DLGAP1: variants seen among roughly 807,000 people sequenced by gnomAD.
DLGAP1 encodes disks large-associated protein 1.
In DLGAP1, 11 loss-of-function variants were observed where a neutral mutation model predicts 90.8. That is an observed-to-expected ratio of 0.12 (90% CI 0.08 to 0.20). The LOEUF is 0.20. DLGAP1 is among the 10% of genes least tolerant of loss of function. DLGAP1 has a pLI of 1.00. For synonymous variants in DLGAP1, 558 were observed against 540.7 expected (o/e 1.03, Z -0.44); for missense variants, 1,050 against 1,333.8 (o/e 0.79, Z 3.31).
In DLGAP1 at chr18:4,365,604, G is replaced by A. The variant is rs144606405; in HGVS notation, c.-267+89402C>T. Among the ~76,000 whole-genome samples, 327 of 152,144 alleles carry A rather than the reference G, an allele frequency of 2.1e-3. 7 individuals are homozygous for A. Among genetic ancestry groups the A allele is most frequent in the Admixed American group, 0.019 (293 of 15,284 alleles). ...CTATTAAAATATAATGACCCAATTG[G>A]CAGTGGAAAATATGCATATGGATAT... On this transcript the variant is annotated intron_variant, in intron 1 of 12. Transcript: ENST00000315677.
At chr18:4,241,997 T>A (rs2078544768) in intron 1 of DLGAP1, among the ~76,000 whole-genome samples, 1 of 152,246 alleles carries the variant, frequency 6.6e-6, no homozygotes, top group Non-Finnish European at 1.5e-5. Flanking sequence ...TAGTCATTTA[T>A]CTGGGATGGT....
chr18:3,534,133 T>G, intron 10 of DLGAP1, 61 bp downstream of exon 10: 1 of 1,548,096 alleles, frequency 6.5e-7, no homozygotes, highest in Non-Finnish European at 8.8e-7. Context: ...CAACAAGGTC[T>G]GCACACACAA....
At chr18:4,279,334 A>AT (rs2079494870) in intron 1 of DLGAP1, among the ~76,000 whole-genome samples, 1 of 152,260 alleles carries the variant, frequency 6.6e-6, no homozygotes, top group Non-Finnish European at 1.5e-5. Flanking sequence ...ACTGATATCT[A>AT]TTAATTTTTA....
chr18:3,594,485 G>GT (rs2056466354), intron 7 of DLGAP1: 1 of 152,150 alleles, frequency 6.6e-6, no homozygotes, highest in Non-Finnish European at 1.5e-5. Flanking sequence ...CAGCTACGAG[G>GT]TAAGTCGCTC....
chr18:4,448,559 G>A (rs2083727114), intron 1 of DLGAP1, among the ~76,000 whole-genome samples: 1 of 152,032 alleles, frequency 6.6e-6, no homozygotes, highest in Non-Finnish European at 1.5e-5. Flanking sequence ...ATAAAAACAT[G>A]GTGCATGTTC....
chr18:3,935,738 A>G (rs1482137280), intron 3 of DLGAP1, among the ~76,000 whole-genome samples: 1 of 152,202 alleles, frequency 6.6e-6, no homozygotes. Context: ...CTGAATCTTC[A>G]AAATGTTGAA....
chr18:3,630,209 G>A (rs952340078), intron 7 of DLGAP1, among the ~76,000 whole-genome samples: 1 of 152,126 alleles, frequency 6.6e-6, no homozygotes, highest in Non-Finnish European at 1.5e-5. Context: ...ATCAATTGAA[G>A]ACCGGAATAG....
chr18:4,169,803 T>C (rs1389375158), intron 1 of DLGAP1, among the ~76,000 whole-genome samples: 1 of 152,252 alleles, frequency 6.6e-6, no homozygotes, highest in African/African-American at 2.4e-5. Context: ...TGTGCCATTG[T>C]AAAGTAGTGA....
chr18:3,780,084 G>A (rs558429816), intron 5 of DLGAP1, among the ~76,000 whole-genome samples: 4 of 151,892 alleles, frequency 2.6e-5, no homozygotes, highest in East Asian at 3.9e-4. Flanking sequence ...CACCGCTCCC[G>A]GCCTGTTACT....
At chr18:3,826,740 T>C (rs2067736632) in intron 4 of DLGAP1, among the ~76,000 whole-genome samples, 1 of 151,976 alleles carries the variant, frequency 6.6e-6, no homozygotes. Flanking sequence ...AATGGAGGCT[T>C]TGATGAGATA....
intron 2 of DLGAP1, among the ~76,000 whole-genome samples, chr18:4,100,042 T>C (rs2075755956): frequency 1.3e-5 from 2 of 152,180 alleles, no homozygotes; most frequent in South Asian, 4.1e-4. Context: ...TTTGTAAAGA[T>C]GGAGTCTTGC....
At chr18:4,197,343 G>C (rs920752156) in intron 1 of DLGAP1, among the ~76,000 whole-genome samples, 3 of 152,096 alleles carry the variant, frequency 2.0e-5, no homozygotes, top group African/African-American at 7.2e-5. Flanking sequence ...GTAAACTGGA[G>C]TACAATGCCC....
intron 3 of DLGAP1, 106 bp from the exon 4 acceptor site, chr18:3,880,246 C>T (rs2071120677): frequency 4.8e-6 from 3 of 630,374 alleles, no homozygotes; most frequent in Admixed American, 5.7e-5. Flanking sequence ...TGCACAGGCG[C>T]CATCTCTGCT....
At chr18:3,834,560 A>C (rs531488113) in intron 4 of DLGAP1, among the ~76,000 whole-genome samples, 100 of 152,294 alleles carry the variant, frequency 6.6e-4, no homozygotes, top group African/African-American at 2.4e-3. Flanking sequence ...ACATTTGCCA[A>C]ATGAATGGAC....
At position 3,696,393 on chromosome 18, in the gene DLGAP1, G is replaced by A. The variant is rs2061092760; in HGVS notation, c.1591+32742C>T. ...TTCATCAATACATAGTTTATTGAGAGTTTTTAGTGTGAAGTGGTGTTGAAT... is the reference window on the plus strand; with the variant it reads ...TTCATCAATACATAGTTTATTGAGAATTTTTAGTGTGAAGTGGTGTTGAAT... On this transcript the variant is annotated intron_variant, in intron 7 of 12. Transcript: ENST00000315677. Among the ~76,000 whole-genome samples the A allele has an allele frequency of 3.3e-5, 5 of 152,156 alleles. No homozygotes were observed. The South Asian group carries it at 1.0e-3, about 32-fold the overall frequency.
At chr18:3,550,180 G>A (rs958236087) in intron 9 of DLGAP1, among the ~76,000 whole-genome samples, 1 of 152,192 alleles carries the variant, frequency 6.6e-6, no homozygotes, top group Admixed American at 6.5e-5. Context: ...CCAAAGTGCT[G>A]GAGTTACAGG....
At chr18:4,176,169 C>G (rs139873207) in intron 1 of DLGAP1, among the ~76,000 whole-genome samples, 1 of 152,118 alleles carries the variant, frequency 6.6e-6, no homozygotes, top group South Asian at 2.1e-4. Context: ...GTATTTTATT[C>G]TCTTTATAGT....
At chr18:4,399,306 C>A (rs1340295922) in intron 1 of DLGAP1, among the ~76,000 whole-genome samples, 1 of 152,174 alleles carries the variant, frequency 6.6e-6, no homozygotes, top group Non-Finnish European at 1.5e-5. Flanking sequence ...CTACTACCAA[C>A]AAGAATTCCT....
chr18:3,561,876 TG>T (rs1341599055), intron 9 of DLGAP1, among the ~76,000 whole-genome samples: 1 of 150,918 alleles, frequency 6.6e-6, no homozygotes, highest in Non-Finnish European at 1.5e-5. Context: ...TCCATGTGGC[TG>T]GGGAGGCCCC....
Sources: allele counts gnomAD v4.1 joint callset (sites outside exome capture counted in the v4.1 genomes callset), GRCh38; gene constraint gnomAD v4.1.1; transcripts MANE v1.5; gene names NCBI Gene and HGNC (gene_info 2026-07-23, HGNC 2026-07-21).